DSG2: variants seen among roughly 807,000 people sequenced by gnomAD.
DSG2 encodes the protein desmoglein 2.
In DSG2, 45 loss-of-function variants were observed where a neutral mutation model predicts 75.6. The ratio of observed to expected loss-of-function variants is 0.60; its 90% CI spans 0.47 to 0.76. DSG2 has a LOEUF of 0.76. Among genes scored for constraint, DSG2 ranks in the 30% least tolerant of loss-of-function variants. The pLI is 0.00. For synonymous variants in DSG2, 429 were observed against 483.9 expected (o/e 0.89, Z 1.49); for missense variants, 1,267 against 1,357.4 (o/e 0.93, Z 1.05).
At chr18:31,540,590 G>A (rs1182928844) in intron 12 of DSG2, among the ~76,000 whole-genome samples, 1 of 152,198 alleles carries the variant, frequency 6.6e-6, no homozygotes, top group Non-Finnish European at 1.5e-5. Flanking sequence ...TTAATGTGCT[G>A]TTGACTGTTT....
intron 1 of DSG2, among the ~76,000 whole-genome samples, chr18:31,504,539 C>T (rs1056370986): frequency 2.0e-5 from 3 of 150,408 alleles, no homozygotes; most frequent in Non-Finnish European, 4.4e-5. Flanking sequence ...CCCTTTTTAT[C>T]TGGCCTAGCA....
intron 1 of DSG2, among the ~76,000 whole-genome samples, chr18:31,501,679 A>G (rs899981968): frequency 6.6e-6 from 1 of 152,092 alleles, no homozygotes; most frequent in African/African-American, 2.4e-5. Flanking sequence ...CCCTCTGTGC[A>G]TGTCTGTGTC....
At chr18:31,513,983 G>T (rs950618589) in intron 1 of DSG2, among the ~76,000 whole-genome samples, 1 of 152,114 alleles carries the variant, frequency 6.6e-6, no homozygotes, top group Non-Finnish European at 1.5e-5. Context: ...CCTCAAAACC[G>T]TCAAGGTCAT....
intron 12 of DSG2, 21 bp downstream of exon 12, chr18:31,538,999 C>G: frequency 6.2e-7 from 1 of 1,608,428 alleles, no homozygotes; most frequent in Non-Finnish European, 8.5e-7. Context: ...AAAAGCCACT[C>G]TGTTGTGCTT....
chr18:31,524,569 T>A lies in DSG2; in HGVS notation c.812T>A (p.Val271Glu). The A allele has an allele frequency of 6.2e-7, 1 of 1,613,976 alleles. No individual in the cohort carries two copies. The highest frequency in any genetic ancestry group is 1.3e-5 in the African/African-American group (1 of 75,058). The change falls in exon 7 of 15, where the codon GTA becomes GAA. Residue 271 changes from valine (V) to glutamate (E), a missense_variant. Val to Glu is a moderately radical substitution (Grantham distance 121). Transcript: ENST00000261590. Reference sequence around the variant, plus strand: ...TTGGATGTCAATGACAATATACCTGTAGTAGAAAATAAAGTGGTAACTATT... The same window carrying A: ...TTGGATGTCAATGACAATATACCTGAAGTAGAAAATAAAGTGGTAACTATT... ...RILDVNDNIP[V>E]VENKVLEGMV...
Position 31,528,432 on chromosome 18 carries a change from CT to C in DSG2, c.1015-2554del, listed in dbSNP as rs376511106. 5.9e-3 allele frequency among the ~76,000 whole-genome samples: 898 copies of C among 152,230 alleles called. 6 individuals are homozygous for C. Among genetic ancestry groups the C allele is most frequent in the Non-Finnish European group, 8.4e-3 (569 of 68,002 alleles). On this transcript the variant is annotated intron_variant, in intron 8 of 14. Coordinates refer to ENST00000261590, the MANE Select transcript of DSG2 (RefSeq NM_001943.5). ...AACCTCAAAAACATTATGCTATGGG[CT>C]GGGCACGGTGGCTCCCGCCTGTAAT...
At chr18:31,498,430 G>C (rs1448726339) in intron 1 of DSG2, 134 bp downstream of exon 1, 38 of 993,266 alleles carry the variant, frequency 3.8e-5, no homozygotes, top group South Asian at 2.5e-4. Context: ...GCTGCCCGAG[G>C]GGGGAAAAGG....
At chr18:31,516,604 T>C (rs1445226582) in intron 1 of DSG2, among the ~76,000 whole-genome samples, 2 of 152,196 alleles carry the variant, frequency 1.3e-5, no homozygotes, top group African/African-American at 4.8e-5. Context: ...ACCTAGACTC[T>C]TCTGAGCAAA....
At chr18:31,499,940 T>C (rs1480109511) in intron 1 of DSG2, among the ~76,000 whole-genome samples, 1 of 151,812 alleles carries the variant, frequency 6.6e-6, no homozygotes, top group African/African-American at 2.4e-5. Context: ...TATAAAACTT[T>C]CTGCAGTATA....
In DSG2 at chr18:31,536,394, G is replaced by A; in HGVS notation, c.1616G>A (p.Gly539Asp). Residue 539 changes from glycine to aspartate, a missense_variant, in exon 11 of 15, where the codon GGC becomes GAC. By Grantham distance (94) the Gly-to-Asp change is moderately conservative. Transcript: ENST00000261590. ...FSFSVIDKPP[G>D]MAEKWKIARQ... Reference sequence around the variant, plus strand: ...TTCTCCGTCATTGACAAACCACCTGGCATGGCAGAAAAATGGAAAATAGCA... The same window carrying A: ...TTCTCCGTCATTGACAAACCACCTGACATGGCAGAAAAATGGAAAATAGCA... The A allele has an allele frequency of 6.2e-7, 1 of 1,613,984 alleles. No homozygotes were observed. The highest frequency in any genetic ancestry group is 8.5e-7 in the Non-Finnish European group (1 of 1,180,030).
At chr18:31,526,649 G>T (rs12327220) in intron 8 of DSG2, among the ~76,000 whole-genome samples, 34,781 of 151,970 alleles carry the variant, frequency 0.23, 4,341 homozygotes, top group East Asian at 0.29. Context: ...AATTATACAC[G>T]CAAGGAGAAA....
chr18:31,522,169 G>A lies in DSG2; in HGVS notation c.610G>A (p.Glu204Lys), dbSNP rs2073132089. ...AATTTCCTATAGAATCGTATCTCTG[G>A]AGCCTGCTTATCCTCCAGTGTTCTA... is the stretch of plus-strand genomic sequence containing the variant. Reference protein sequence around the residue: ...SKISYRIVSLEPAYPPVFYLN... With the variant: ...SKISYRIVSLKPAYPPVFYLN... The change falls in exon 6 of 15, where the codon GAG becomes AAG. Residue 204 changes from glutamate (E) to lysine (K), a missense_variant. Physicochemically the swap from Glu to Lys is moderately conservative, Grantham distance 56. Transcript: ENST00000261590. 1 of 1,613,696 alleles carries A rather than the reference G, an allele frequency of 6.2e-7. No homozygotes were observed. The highest frequency in any genetic ancestry group is 1.3e-5 in the African/African-American group (1 of 74,900).
At chr18:31,535,049 T>C (rs1050356984) in intron 9 of DSG2, among the ~76,000 whole-genome samples, 1 of 152,196 alleles carries the variant, frequency 6.6e-6, no homozygotes, top group Non-Finnish European at 1.5e-5. Context: ...ATTTTATGTC[T>C]TGGGTATGTT....
At chr18:31,543,762 A>G (rs1296946406) in intron 14 of DSG2, among the ~76,000 whole-genome samples, 1 of 151,844 alleles carries the variant, frequency 6.6e-6, no homozygotes, top group Non-Finnish European at 1.5e-5. Context: ...GCTACTCAGA[A>G]GGCTGAGGTA....
rs557779525 is a variant in DSG2, at chr18:31,530,856, T to A, written c.1015-131T>A. 24 of 823,170 alleles carry A rather than the reference T, an allele frequency of 2.9e-5. No individual in the cohort carries two copies. In the South Asian group the frequency reaches 3.9e-4, roughly 13 times the overall value. The allele number at this position is 823,170 out of a possible 1,614,324, so 51.0% of individuals were successfully genotyped here. On this transcript the variant is annotated intron_variant, in intron 8 of 14. Transcript: ENST00000261590. ...CTTGGTGTCAGTATAAGAGTTGGAC[T>A]ATTCAGTGCTGCTATATTTCCTGTG... is the stretch of plus-strand genomic sequence containing the variant.
chr18:31,539,039 T>G, intron 12 of DSG2, 61 bp downstream of exon 12: 6 of 1,463,550 alleles, frequency 4.1e-6, no homozygotes, highest in Non-Finnish European at 5.7e-6. Flanking sequence ...CCTGGAGATG[T>G]GTTACTATGG....
In DSG2 at chr18:31,548,446, T is replaced by G. The variant is rs1468655077; in HGVS notation, c.*1703T>G. 2.6e-5 allele frequency: 3 copies of G among 116,374 alleles called. No homozygotes were observed. The highest frequency in any genetic ancestry group is 1.3e-4 in the African/African-American group (3 of 23,776). 7.2% of individuals were successfully genotyped at this position (116,374 alleles called of 1,614,324 possible). On this transcript the variant is annotated 3_prime_UTR_variant, in exon 15 of 15. Transcript: ENST00000261590. ...CATGCAAAGGATTTATATAGTGTGC[T>G]CCCACTAACTGTACAGATCAGGACA...
At chr18:31,543,676 G>A (rs2073284850) in intron 14 of DSG2, among the ~76,000 whole-genome samples, 1 of 152,058 alleles carries the variant, frequency 6.6e-6, no homozygotes, top group Admixed American at 6.6e-5. Context: ...GACCAGCTTG[G>A]GCAATATGTT....
chr18:31,546,403 A>G lies in DSG2; in HGVS notation c.3017A>G (p.Gln1006Arg), dbSNP rs1451373965. ...GGATCGAATCCTCTGGAAGGCACTC[A>G]GCATCTTCAAGATGTACCTTACGTC... ...GGGSNPLEGTQHLQDVPYVMV... is the reference protein window; with the variant it reads ...GGGSNPLEGTRHLQDVPYVMV... The change falls in exon 15 of 15, where the codon CAG becomes CGG. Residue 1006 changes from glutamine to arginine, a missense_variant. Physicochemically the swap from Gln to Arg is conservative, Grantham distance 43. Coordinates refer to ENST00000261590, the MANE Select transcript of DSG2 (RefSeq NM_001943.5). 6.2e-7 allele frequency: 1 copy of G among 1,614,202 alleles called. No individual in the cohort carries two copies. The highest frequency in any genetic ancestry group is 2.2e-5 in the East Asian group (1 of 44,886).
Sources: gnomAD v4.1 joint callset for allele counts (sites outside exome capture counted in the v4.1 genomes callset) on GRCh38, gnomAD v4.1.1 for gene constraint, MANE v1.5 for transcripts, NCBI Gene and HGNC (gene_info 2026-07-23, HGNC 2026-07-21) for gene names.